NLK: variants seen among roughly 807,000 people sequenced by gnomAD.
NLK encodes serine/threonine-protein kinase NLK.
NLK carries 11 observed loss-of-function variants against 59.0 expected under a neutral mutation model. The ratio of observed to expected loss-of-function variants is 0.19; its 90% confidence interval spans 0.12 to 0.31. NLK has a LOEUF of 0.31. Among genes scored for constraint, NLK ranks in the 10% least tolerant of loss-of-function variants. The pLI is 1.00. For missense variants in NLK, 410 were observed against 661.1 expected, an observed-to-expected ratio of 0.62 and a Z score of 4.16; for synonymous variants, 235 against 235.9, an observed-to-expected ratio of 1.00 and a Z score of 0.03.
At chr17:28,076,766 G>C (rs1461846365) in intron 1 of NLK, among the ~76,000 whole-genome samples, 1 of 152,136 alleles carries the variant, frequency 6.6e-6, no homozygotes, top group Non-Finnish European at 1.5e-5. Flanking sequence ...AAGAAGTGGA[G>C]TAGAGAGGGT....
chr17:28,107,712 A>G (rs952180933), intron 1 of NLK, among the ~76,000 whole-genome samples: 22 of 152,326 alleles, frequency 1.4e-4, no homozygotes, highest in Admixed American at 5.9e-4. Context: ...TGTAAGTCAA[A>G]CTATTAATAT....
chr17:28,054,201 A>C (rs1214104225), intron 1 of NLK, among the ~76,000 whole-genome samples: 1 of 152,224 alleles, frequency 6.6e-6, no homozygotes, highest in Non-Finnish European at 1.5e-5. Context: ...GAATTGCCTC[A>C]GAGAATTATG....
At chr17:28,140,806 A>G (rs1167671571) in intron 3 of NLK, among the ~76,000 whole-genome samples, 7 of 151,948 alleles carry the variant, frequency 4.6e-5, no homozygotes, top group Admixed American at 6.6e-5. Context: ...CCACCCCCCA[A>G]AAAAGAGCTG....
At chr17:28,107,830 C>T (rs1216847613) in intron 1 of NLK, among the ~76,000 whole-genome samples, 1 of 152,124 alleles carries the variant, frequency 6.6e-6, no homozygotes, top group Non-Finnish European at 1.5e-5. Context: ...AGACATATAT[C>T]AGTAGAATCC....
intron 1 of NLK, among the ~76,000 whole-genome samples, chr17:28,106,310 T>C (rs561144302): frequency 1.3e-5 from 2 of 152,354 alleles, no homozygotes; most frequent in Admixed American, 1.3e-4. Context: ...ATTACCATTT[T>C]ATAATAATTT....
intron 1 of NLK, among the ~76,000 whole-genome samples, chr17:28,050,783 A>G (rs1230867150): frequency 6.6e-6 from 1 of 152,118 alleles, no homozygotes; most frequent in Non-Finnish European, 1.5e-5. Context: ...ATTGTTAGGA[A>G]AATGGGAGTG....
intron 1 of NLK, among the ~76,000 whole-genome samples, chr17:28,094,126 T>C (rs1904611145): frequency 6.6e-6 from 1 of 152,218 alleles, no homozygotes; most frequent in South Asian, 2.1e-4. Context: ...TGTGGACAAA[T>C]AAGATGACTT....
chr17:28,075,202 A>G (rs901552641), intron 1 of NLK, among the ~76,000 whole-genome samples: 4 of 152,246 alleles, frequency 2.6e-5, no homozygotes, highest in Non-Finnish European at 5.9e-5. Context: ...AAACAGACTC[A>G]GCATTCAGGT....
chr17:28,101,415 G>A (rs1364845527), intron 1 of NLK, among the ~76,000 whole-genome samples: 1 of 152,078 alleles, frequency 6.6e-6, no homozygotes, highest in African/African-American at 2.4e-5. Context: ...CCATGGGCAT[G>A]GTATATTTCT....
intron 7 of NLK, among the ~76,000 whole-genome samples, chr17:28,181,051 T>A (rs1908882882): frequency 6.6e-6 from 1 of 152,094 alleles, no homozygotes; most frequent in South Asian, 2.1e-4. Flanking sequence ...ACCAAGGGTT[T>A]GAGATCAGCC....
At chr17:28,133,781 A>G (rs931732665) in intron 3 of NLK, among the ~76,000 whole-genome samples, 2 of 152,208 alleles carry the variant, frequency 1.3e-5, no homozygotes, top group South Asian at 4.1e-4. Context: ...ATGGAAACCA[A>G]TGTAATAGTG....
chr17:28,070,669 A>G (rs1172848426), intron 1 of NLK, among the ~76,000 whole-genome samples: 1 of 152,046 alleles, frequency 6.6e-6, no homozygotes, highest in Non-Finnish European at 1.5e-5. Flanking sequence ...ATTTTTGTAT[A>G]TGGACTAAGA....
At chr17:28,111,886 GTGTGTGTGTGGTGTGTGTGTGT>G (rs1220189303) in intron 1 of NLK, among the ~76,000 whole-genome samples, 57 of 127,626 alleles carry the variant, frequency 4.5e-4, no homozygotes, top group African/African-American at 1.7e-3. Flanking sequence ...GTGTGTGTGT[GTGTGTGTGTGGTGTGTGTGTGT>G]GTGTGTGTGT....
At chr17:28,182,432 T>G (rs1251756550) in intron 7 of NLK, among the ~76,000 whole-genome samples, 1 of 152,202 alleles carries the variant, frequency 6.6e-6, no homozygotes, top group Non-Finnish European at 1.5e-5. Flanking sequence ...TTTCTGGTGT[T>G]GTGGAGAGCT....
Position 28,159,591 on chromosome 17 carries a change from G to C in NLK, c.645-1569G>C, listed in dbSNP as rs149037109. Among the ~76,000 whole-genome samples, 280 of 152,216 alleles carry C rather than the reference G, an allele frequency of 1.8e-3. 1 individual carries two copies. The highest frequency in any genetic ancestry group is 6.4e-3 in the African/African-American group (264 of 41,532). Reference sequence around the variant, plus strand: ...TGTCACTGAAAACTGTCCTGTAAGTGAATCCCACATGCCAAATATCATTTT... The same window carrying C: ...TGTCACTGAAAACTGTCCTGTAAGTCAATCCCACATGCCAAATATCATTTT... On this transcript the variant is annotated intron_variant, in intron 3 of 10. Coordinates refer to ENST00000407008, the MANE Select transcript of NLK (RefSeq NM_016231.5).
intron 8 of NLK, among the ~76,000 whole-genome samples, chr17:28,189,399 G>C (rs932004378): frequency 1.3e-5 from 2 of 152,150 alleles, no homozygotes; most frequent in Non-Finnish European, 2.9e-5. Context: ...GCAGGTAACT[G>C]ATTTTTTTAA....
intron 4 of NLK, 68 bp from the exon 5 acceptor site, chr17:28,163,474 GT>G (rs1297143427): frequency 1.2e-5 from 11 of 910,362 alleles, no homozygotes; most frequent in South Asian, 1.5e-5. Context: ...TTCTTCCAAG[GT>G]TTTTTTTAAA....
intron 7 of NLK, 61 bp from the exon 8 acceptor site, chr17:28,185,118 T>A (rs1288824081): frequency 6.4e-6 from 6 of 935,684 alleles, no homozygotes. Context: ...AAATTGGCTG[T>A]ATTCCATAGC....
chr17:28,188,564 A>G (rs1475230148), intron 8 of NLK, among the ~76,000 whole-genome samples: 5 of 152,028 alleles, frequency 3.3e-5, no homozygotes, highest in African/African-American at 1.2e-4. Flanking sequence ...CACAACCTCC[A>G]CCTCCTGGGT....
Sources: allele counts gnomAD v4.1 joint callset (sites outside exome capture counted in the v4.1 genomes callset), GRCh38; gene constraint gnomAD v4.1.1; transcripts MANE v1.5; gene names NCBI Gene and HGNC (gene_info 2026-07-23, HGNC 2026-07-21).